Variants in PHTF1 observed in about 807,000 individuals in gnomAD.
The protein encoded by PHTF1 is putative homeodomain transcription factor 1.
PHTF1 carries 88 observed loss-of-function variants against 102.4 expected under a neutral mutation model. The observed-to-expected ratio is 0.86, with a 90% CI of 0.72 to 1.03. The LOEUF (loss-of-function observed/expected upper bound fraction) is 1.03. PHTF1 is among the 50% of genes least tolerant of loss of function. The pLI is 0.00. For missense variants in PHTF1, 814 were observed against 909.5 expected, an observed-to-expected ratio of 0.89 and a Z score of 1.35; for synonymous variants, 289 against 305.2, an observed-to-expected ratio of 0.95 and a Z score of 0.55.
chr1:113,715,897 T>C (rs1651940799), intron 7 of PHTF1, among the ~76,000 whole-genome samples: 1 of 150,554 alleles, frequency 6.6e-6, no homozygotes, highest in African/African-American at 2.4e-5. Flanking sequence ...TTCAAGACAG[T>C]ATATTTAAAA....
intron 17 of PHTF1, chr1:113,699,454 G>A: frequency 3.2e-6 from 2 of 624,086 alleles, no homozygotes. Context: ...TGATCTTCAT[G>A]TCCTTGACCA....
intron 3 of PHTF1, among the ~76,000 whole-genome samples, chr1:113,746,536 A>C (rs1657272668): frequency 6.6e-6 from 1 of 152,216 alleles, no homozygotes; most frequent in Non-Finnish European, 1.5e-5. Context: ...GGTAGTGAAT[A>C]ATTAGGAAAA....
chr1:113,715,682 C>CAAAAAAAAAA (rs1553226392), intron 7 of PHTF1, among the ~76,000 whole-genome samples: 1 of 54,200 alleles, frequency 1.8e-5, no homozygotes, highest in Non-Finnish European at 4.3e-5. Context: ...AAAAAAAAAG[C>CAAAAAAAAAA]TATTTTGAGG....
chr1:113,715,648 C>CAAAAAAAAAAAAAAAAAAAA (rs60517410), intron 7 of PHTF1, among the ~76,000 whole-genome samples: 2 of 24,978 alleles, frequency 8.0e-5, no homozygotes, highest in African/African-American at 1.1e-4. Context: ...AACCCTGTCT[C>CAAAAAAAAAAAAAAAAAAAA]AAAAAAAAAA....
rs369443379 is a variant in PHTF1 at position 113,704,145 on chromosome 1, A to G, written c.1826T>C (p.Val609Ala). 3.0e-5 allele frequency: 48 copies of G among 1,612,868 alleles called. No homozygotes were observed. The highest frequency in any genetic ancestry group is 3.9e-5 in the Non-Finnish European group (46 of 1,179,054). ...GAAAACCGAGGATACAACCACATCA[A>G]CTGAACGCTGTGGCCCCCGTCTCTG... Reference protein sequence around the residue: ...YLKRRGPQRSVDVVVSSVFLL... With the variant: ...YLKRRGPQRSADVVVSSVFLL... The change falls in exon 15 of 19, where the codon GTT (valine) becomes GCT (alanine). Residue 609 changes from valine to alanine, a missense_variant. Transcript: ENST00000369604.
chr1:113,728,111 G>A (rs912635620), intron 5 of PHTF1, among the ~76,000 whole-genome samples: 2 of 152,098 alleles, frequency 1.3e-5, no homozygotes, highest in South Asian at 2.1e-4. Flanking sequence ...GCGGAGGGCC[G>A]GGCCGAGGGA....
chr1:113,754,898 T>C (rs1302988345), intron 3 of PHTF1, among the ~76,000 whole-genome samples: 1 of 152,136 alleles, frequency 6.6e-6, no homozygotes, highest in Non-Finnish European at 1.5e-5. Flanking sequence ...TCCAATCATA[T>C]TGGGCTACTT....
intron 15 of PHTF1, among the ~76,000 whole-genome samples, chr1:113,703,131 G>A (rs1317425823): frequency 2.0e-5 from 3 of 152,120 alleles, no homozygotes; most frequent in African/African-American, 4.8e-5. Flanking sequence ...GACAGAATAA[G>A]CAGACCAAAA....
chr1:113,715,639 ACC>A (rs1225265346), intron 7 of PHTF1, among the ~76,000 whole-genome samples: 1 of 107,186 alleles, frequency 9.3e-6, no homozygotes, highest in Non-Finnish European at 1.8e-5. Flanking sequence ...TGACAGTGAA[ACC>A]CTGTCTCAAA....
intron 3 of PHTF1, among the ~76,000 whole-genome samples, chr1:113,757,035 T>C (rs1480780667): frequency 2.2e-4 from 34 of 152,024 alleles, no homozygotes; most frequent in Admixed American, 1.3e-3. Flanking sequence ...GGCGTGGTGG[T>C]GGGCGCCTGT....
chr1:113,711,994 A>G lies in PHTF1; in HGVS notation c.903T>C (p.Asn301=). The change falls in exon 9 of 19, where the codon AAT becomes AAC. Residue 301 remains asparagine (N), a synonymous_variant. Coordinates refer to ENST00000369604, the MANE Select transcript of PHTF1 (RefSeq NM_001323043.2). The stretch of plus-strand genomic sequence containing the variant: ...ATTTTCTATTCTTAACTTCACAACC[A>G]TTGTCACTTGAGGCCCCTTCCACAC... ...RRSVEGASSD[N]GCEVKNRKSI... The G allele has an allele frequency of 6.2e-7, 1 of 1,613,986 alleles. No individual in the cohort carries two copies. The highest frequency in any genetic ancestry group is 1.3e-5 in the African/African-American group (1 of 75,024).
At chr1:113,754,602 T>C (rs1658573621) in intron 3 of PHTF1, among the ~76,000 whole-genome samples, 1 of 152,186 alleles carries the variant, frequency 6.6e-6, no homozygotes, top group African/African-American at 2.4e-5. Flanking sequence ...GATTCTTCAA[T>C]ATTAATATGA....
At chr1:113,759,494 G>C (rs1659406490), upstream of PHTF1, 1 of 152,428 alleles carries the variant, frequency 6.6e-6, no homozygotes, top group South Asian at 2.1e-4. Context: ...TCTGAGATCT[G>C]GGCTAGAGCC....
intron 3 of PHTF1, among the ~76,000 whole-genome samples, chr1:113,754,304 A>T (rs1286782857): frequency 6.6e-6 from 1 of 152,014 alleles, no homozygotes; most frequent in Non-Finnish European, 1.5e-5. Flanking sequence ...CCAGTTACTC[A>T]GGAGGCTAAG....
At chr1:113,758,602 G>A in intron 2 of PHTF1, 57 bp downstream of exon 2, 1 of 1,004,268 alleles carries the variant, frequency 1.0e-6, no homozygotes, top group Non-Finnish European at 1.5e-6. Flanking sequence ...TATTATTTGT[G>A]GGAGCTTTTT....
chr1:113,704,577 G>T, intron 14 of PHTF1, 89 bp downstream of exon 14: 1 of 939,856 alleles, frequency 1.1e-6, no homozygotes, highest in Non-Finnish European at 1.6e-6. Context: ...CTGACACCCA[G>T]AACTACACTG....
chr1:113,734,146 G>A (rs990521786), intron 5 of PHTF1, among the ~76,000 whole-genome samples: 19 of 152,234 alleles, frequency 1.2e-4, no homozygotes, highest in African/African-American at 2.9e-4. Context: ...TGTAATCCCC[G>A]CTACTCAGGA....
chr1:113,706,771 A>G, intron 11 of PHTF1, 49 bp from the exon 12 acceptor site: 1 of 1,418,102 alleles, frequency 7.1e-7, no homozygotes, highest in Non-Finnish European at 9.6e-7. Flanking sequence ...TCTTGCCTCC[A>G]TTAGTTTTTC....
Position 113,704,086 on chromosome 1 carries a change from C to T in PHTF1, c.1885G>A (p.Ala629Thr), listed in dbSNP as rs1454320002. The T allele has an allele frequency of 3.1e-6, 5 of 1,606,670 alleles. No homozygotes were observed. Among genetic ancestry groups the T allele is most frequent in the Non-Finnish European group, 3.4e-6 (4 of 1,173,530 alleles). The stretch of plus-strand genomic sequence containing the variant: ...AGCAGATGTGAAACTTTTACCTGAG[C>T]ACAACAAATGAAAGCAATCGAAAGT... ...LTLSIAFICC[A>T]QVLQGHKTFL... Residue 629 changes from alanine (A) to threonine (T), a missense_variant, in exon 15 of 19, where the codon GCT becomes ACT. Physicochemically the swap from Ala to Thr is moderately conservative, Grantham distance 58. Coordinates refer to ENST00000369604, the MANE Select transcript of PHTF1 (RefSeq NM_001323043.2).
Sources: allele counts gnomAD v4.1 joint callset (sites outside exome capture counted in the v4.1 genomes callset), GRCh38; gene constraint gnomAD v4.1.1; transcripts MANE v1.5; gene names NCBI Gene and HGNC (gene_info 2026-07-23, HGNC 2026-07-21).